Variants in ZPBP observed in about 807,000 individuals in gnomAD.
ZPBP encodes zona pellucida-binding protein 1.
In ZPBP, 26 loss-of-function variants were observed where a neutral mutation model predicts 44.8. The observed-to-expected ratio is 0.58, with a 90% CI of 0.43 to 0.81. The LOEUF (loss-of-function observed/expected upper bound fraction) is 0.81. Ranked by LOEUF, ZPBP falls within the 30% of genes least tolerant of loss-of-function variation. The pLI is 0.00. For missense variants in ZPBP, 409 were observed against 434.0 expected (o/e 0.94, Z 0.51); for synonymous variants, 174 against 153.2 (o/e 1.14, Z -1.00).
chr7:49,998,956 T>C lies in ZPBP; in HGVS notation c.784-15437A>G, dbSNP rs1177580320. 2.6e-5 allele frequency among the ~76,000 whole-genome samples: 4 copies of C among 151,994 alleles called. No individual in the cohort carries two copies. The South Asian group carries it at 8.3e-4, about 31-fold the overall frequency. On this transcript the variant is annotated intron_variant, in intron 6 of 7. Coordinates refer to ENST00000046087, the MANE Select transcript of ZPBP (RefSeq NM_007009.3). ...ATCTCTAATTTGAAAATTTGAAACC[T>C]GAAATGGTTCAAAATCCAAAATTTT...
chr7:49,877,365 G>A (rs1472070394), intron 2 of ZPBP, among the ~76,000 whole-genome samples: 2 of 143,968 alleles, frequency 1.4e-5, no homozygotes, highest in African/African-American at 2.6e-5. Context: ...GGGAGGCTGA[G>A]ACAAGAGAAT....
downstream of ZPBP, among the ~76,000 whole-genome samples, chr7:49,847,650 A>G (rs1789995536): frequency 1.3e-5 from 2 of 152,230 alleles, no homozygotes; most frequent in Non-Finnish European, 2.9e-5. Context: ...GTCAGGAGGC[A>G]GAAGAAGCTG....
chr7:50,082,568 C>T (rs1454395591), intron 2 of ZPBP, among the ~76,000 whole-genome samples: 2 of 151,770 alleles, frequency 1.3e-5, no homozygotes, highest in African/African-American at 2.4e-5. Flanking sequence ...TTAGACTCTG[C>T]ATGCCAACTC....
At chr7:49,901,694 T>C (rs1257133396) in intron 1 of ZPBP, among the ~76,000 whole-genome samples, 4 of 151,954 alleles carry the variant, frequency 2.6e-5, no homozygotes, top group Middle Eastern at 3.4e-3. Context: ...AAACGGATCC[T>C]GTTTTATCTG....
At chr7:49,985,920 G>A (rs1333059927) in intron 6 of ZPBP, among the ~76,000 whole-genome samples, 1 of 152,208 alleles carries the variant, frequency 6.6e-6, no homozygotes, top group Non-Finnish European at 1.5e-5. Flanking sequence ...CAGCTGGTGT[G>A]TGTGGTGACC....
chr7:49,894,641 G>A (rs1355420669), intron 2 of ZPBP, among the ~76,000 whole-genome samples: 1 of 152,248 alleles, frequency 6.6e-6, no homozygotes, highest in Non-Finnish European at 1.5e-5. Flanking sequence ...TGAGGCTGCA[G>A]TGCTGTGTTG....
At chr7:50,035,675 T>G (rs1799797128) in intron 4 of ZPBP, among the ~76,000 whole-genome samples, 1 of 152,116 alleles carries the variant, frequency 6.6e-6, no homozygotes, top group African/African-American at 2.4e-5. Context: ...ATAACAGTAT[T>G]AAGAAAAATG....
chr7:50,081,548 T>C (rs1471670163), intron 3 of ZPBP, among the ~76,000 whole-genome samples: 1 of 151,786 alleles, frequency 6.6e-6, no homozygotes, highest in African/African-American at 2.4e-5. Context: ...TATAGATGCT[T>C]TGAGAACCCC....
intron 6 of ZPBP, among the ~76,000 whole-genome samples, chr7:50,000,586 G>C (rs1798048310): frequency 1.3e-5 from 2 of 152,050 alleles, no homozygotes; most frequent in Non-Finnish European, 2.9e-5. Context: ...CAGTAACTTT[G>C]GACTGAAAGC....
chr7:50,022,312 T>A (rs1799139191), intron 5 of ZPBP, among the ~76,000 whole-genome samples: 3 of 152,058 alleles, frequency 2.0e-5, no homozygotes, highest in South Asian at 4.1e-4. Context: ...GACAAATGAA[T>A]AAAACAATAA....
chr7:49,990,961 T>C (rs530893650), intron 6 of ZPBP, among the ~76,000 whole-genome samples: 7 of 152,282 alleles, frequency 4.6e-5, no homozygotes, highest in Non-Finnish European at 8.8e-5. Context: ...TACAGGATTA[T>C]AGTCCAACTA....
At chr7:50,080,426 G>A (rs1224609478) in intron 3 of ZPBP, among the ~76,000 whole-genome samples, 1 of 151,562 alleles carries the variant, frequency 6.6e-6, no homozygotes, top group Admixed American at 6.6e-5. Flanking sequence ...ATAAGAGTGA[G>A]TAAAATAAAT....
In ZPBP at chr7:49,912,168, G is replaced by C. The variant is rs145296346; in HGVS notation, n.412-10953C>G. 5.2e-4 allele frequency: 846 copies of C among 1,613,820 alleles called. 8 individuals are homozygous for C. Among genetic ancestry groups the C allele is most frequent in the Non-Finnish European group, 1.0e-4 (122 of 1,179,918 alleles). On this transcript the variant is annotated intron_variant and non_coding_transcript_variant, in intron 1 of 2. Transcript: ENST00000465922. The stretch of plus-strand genomic sequence containing the variant: ...GCGGCAGGCCATGTGCACGAGACAT[G>C]AATGCAGGCAAATGTAGACGCTTCC...
At chr7:49,882,600 TAGTG>T (rs1791716675) in intron 2 of ZPBP, among the ~76,000 whole-genome samples, 1 of 150,818 alleles carries the variant, frequency 6.6e-6, no homozygotes, top group Admixed American at 6.6e-5. Flanking sequence ...GAGACAGAGA[TAGTG>T]AGTACAGAAA....
At chr7:50,092,358 C>T (rs1442290513) in intron 1 of ZPBP, among the ~76,000 whole-genome samples, 1 of 152,180 alleles carries the variant, frequency 6.6e-6, no homozygotes, top group Non-Finnish European at 1.5e-5. Flanking sequence ...CTACCTACCT[C>T]CACAAACCTT....
chr7:49,885,746 T>C (rs966645947), intron 2 of ZPBP, among the ~76,000 whole-genome samples: 1 of 152,208 alleles, frequency 6.6e-6, no homozygotes, highest in Non-Finnish European at 1.5e-5. Context: ...TAATTTTAGA[T>C]GCGGTTAAAG....
At chr7:50,030,997 T>C (rs1799581062) in intron 5 of ZPBP, 95 bp downstream of exon 5, 2 of 1,053,602 alleles carry the variant, frequency 1.9e-6, no homozygotes, top group African/African-American at 1.6e-5. Flanking sequence ...GGTGTTTATG[T>C]TTATATCATA....
At chr7:50,010,431 T>C (rs1286938735) in intron 6 of ZPBP, among the ~76,000 whole-genome samples, 1 of 151,118 alleles carries the variant, frequency 6.6e-6, no homozygotes, top group Non-Finnish European at 1.5e-5. Flanking sequence ...AAAAAAAAAG[T>C]AAAATAATCT....
chr7:50,060,410 G>A (rs1468631458), intron 3 of ZPBP, among the ~76,000 whole-genome samples: 1 of 152,084 alleles, frequency 6.6e-6, no homozygotes, highest in East Asian at 1.9e-4. Context: ...CTGGTAGACT[G>A]CTAGCTGGAC....
Sources: gnomAD v4.1 joint callset for allele counts (sites outside exome capture counted in the v4.1 genomes callset) on GRCh38, gnomAD v4.1.1 for gene constraint, MANE v1.5 for transcripts, NCBI Gene and HGNC (gene_info 2026-07-23, HGNC 2026-07-21) for gene names.